The following BCR variants were observed in gnomAD, a reference collection of about 807,000 sequenced individuals.
BCR encodes BCR activator of RhoGEF and GTPase.
BCR carries 58 observed loss-of-function variants against 138.6 expected under a neutral mutation model. The observed-to-expected ratio is 0.42, with a 90% CI of 0.34 to 0.52. The LOEUF (loss-of-function observed/expected upper bound fraction) is 0.52. BCR is among the 20% of genes least tolerant of loss of function. The pLI is 0.06. For missense variants in BCR, 1,599 were observed against 1,727.2 expected (o/e 0.93, Z 1.32); for synonymous variants, 786 against 730.1 (o/e 1.08, Z -1.23).
chr22:23,224,813 T>C (rs1361101931), intron 1 of BCR, among the ~76,000 whole-genome samples: 2 of 151,448 alleles, frequency 1.3e-5, no homozygotes, highest in Admixed American at 6.6e-5. Flanking sequence ...ACCCAGAAGG[T>C]AGAGGTTGCA....
chr22:23,210,437 A>T (rs540045484), intron 1 of BCR, among the ~76,000 whole-genome samples: 3 of 152,136 alleles, frequency 2.0e-5, no homozygotes, highest in Non-Finnish European at 4.4e-5. Context: ...AAAAAAAAAA[A>T]ATTAAAGGCT....
chr22:23,295,215 C>T (rs1602115643), intron 16 of BCR, 60 bp downstream of exon 16: 1 of 1,583,954 alleles, frequency 6.3e-7, no homozygotes, highest in East Asian at 2.3e-5. Flanking sequence ...TCATGCAGCC[C>T]CTGGGGACAC....
intron 4 of BCR, among the ~76,000 whole-genome samples, chr22:23,267,493 A>G (rs987336279): frequency 6.6e-6 from 1 of 152,222 alleles, no homozygotes; most frequent in African/African-American, 2.4e-5. Flanking sequence ...AATTCAATAT[A>G]AATGCAAATG....
chr22:23,238,359 C>T (rs982555549), intron 1 of BCR, among the ~76,000 whole-genome samples: 1 of 152,010 alleles, frequency 6.6e-6, no homozygotes, highest in Non-Finnish European at 1.5e-5. Flanking sequence ...ACTTGGAGAC[C>T]GTGCCACCTC....
chr22:23,249,604 G>T (rs547829692), intron 1 of BCR, among the ~76,000 whole-genome samples: 5 of 151,750 alleles, frequency 3.3e-5, no homozygotes, highest in African/African-American at 4.9e-5. Context: ...AATCACGGGT[G>T]GGGGGTGGTG....
At chr22:23,287,120 G>T (rs746845009) in intron 10 of BCR, 39 bp from the exon 11 acceptor site, 5 of 1,563,926 alleles carry the variant, frequency 3.2e-6, no homozygotes, top group South Asian at 1.2e-5. Flanking sequence ...TGTGTGGAGC[G>T]CTGGAATGGG....
intron 1 of BCR, among the ~76,000 whole-genome samples, chr22:23,212,705 AC>A (rs2072700450): frequency 6.6e-6 from 1 of 152,156 alleles, no homozygotes; most frequent in African/African-American, 2.4e-5. Flanking sequence ...GTGTCTCTCA[AC>A]ACACACAGCT....
intron 1 of BCR, among the ~76,000 whole-genome samples, chr22:23,230,964 A>G (rs1032803532): frequency 1.2e-4 from 18 of 152,134 alleles, no homozygotes; most frequent in African/African-American, 4.3e-4. Flanking sequence ...CGAACCATCT[A>G]ACGGGGCCCG....
intron 16 of BCR, chr22:23,302,424 G>GCTTCTCTAC (rs1390361671): frequency 2.6e-5 from 4 of 152,368 alleles, no homozygotes; most frequent in African/African-American, 4.8e-5. Flanking sequence ...TTCTCTACCT[G>GCTTCTCTAC]CTGCAACTGC....
At chr22:23,313,171 C>T in intron 20 of BCR, 150 bp downstream of exon 20, 1 of 990,524 alleles carries the variant, frequency 1.0e-6, no homozygotes, top group South Asian at 1.6e-5. Flanking sequence ...AGCAGGGGAC[C>T]AGAACCGAGC....
chr22:23,291,945 A>G (rs1386331954), intron 14 of BCR, among the ~76,000 whole-genome samples: 1 of 152,078 alleles, frequency 6.6e-6, no homozygotes, highest in African/African-American at 2.4e-5. Context: ...AGTCTCAGGT[A>G]GTTTTTCTAA....
At chr22:23,271,440 G>A (rs1273534891) in intron 5 of BCR, 92 bp from the exon 6 acceptor site, 15 of 1,338,656 alleles carry the variant, frequency 1.1e-5, no homozygotes, top group Non-Finnish European at 1.6e-5. Flanking sequence ...GTTGTAGTGA[G>A]GGAAAGCTGA....
intron 2 of BCR, among the ~76,000 whole-genome samples, chr22:23,259,154 C>CA (rs1166666088): frequency 4.6e-5 from 7 of 152,238 alleles, no homozygotes. Flanking sequence ...TCTTTGGTGT[C>CA]ATGCCTTTGC....
chr22:23,298,504 G>A (rs977350633), intron 16 of BCR, among the ~76,000 whole-genome samples: 2 of 152,054 alleles, frequency 1.3e-5, no homozygotes, highest in South Asian at 2.1e-4. Flanking sequence ...TGGCCCAAAT[G>A]TGTTTCCTCA....
chr22:23,243,178 G>T (rs1202614806), intron 1 of BCR, among the ~76,000 whole-genome samples: 1 of 152,166 alleles, frequency 6.6e-6, no homozygotes, highest in African/African-American at 2.4e-5. Context: ...GCCCTTTTCT[G>T]TGGGACCTGA....
chr22:23,278,007 C>G (rs1313403804), intron 8 of BCR, among the ~76,000 whole-genome samples: 3 of 152,226 alleles, frequency 2.0e-5, no homozygotes, highest in Non-Finnish European at 4.4e-5. Context: ...CCCGCAGGCA[C>G]AGTTTCTTTC....
intron 16 of BCR, among the ~76,000 whole-genome samples, chr22:23,303,495 A>T (rs1021524917): frequency 6.6e-6 from 1 of 152,214 alleles, no homozygotes; most frequent in Non-Finnish European, 1.5e-5. Flanking sequence ...GATGAATGAG[A>T]CATGCATGGT....
intron 8 of BCR, among the ~76,000 whole-genome samples, chr22:23,274,907 CAAAAAAA>C (rs758602402): frequency 7.9e-4 from 66 of 84,020 alleles, no homozygotes; most frequent in African/African-American, 1.4e-3. Context: ...AACTCCATCT[CAAAAAAA>C]AAAAAAAAAA....
intron 1 of BCR, among the ~76,000 whole-genome samples, chr22:23,213,130 C>G (rs762535597): frequency 6.6e-6 from 1 of 152,204 alleles, no homozygotes; most frequent in South Asian, 2.1e-4. Flanking sequence ...CTGACTGTCT[C>G]CTTGCTTGTC....
Sources: gnomAD v4.1 joint callset for allele counts (sites outside exome capture counted in the v4.1 genomes callset) on GRCh38, gnomAD v4.1.1 for gene constraint, MANE v1.5 for transcripts, NCBI Gene and HGNC (gene_info 2026-07-23, HGNC 2026-07-21) for gene names.